The following AKR1B15 variants were observed in gnomAD, a reference collection of about 807,000 sequenced individuals.
AKR1B15 encodes the protein aldo-keto reductase family 1 member B15, also known as estradiol 17-beta-dehydrogenase AKR1B15.
A neutral mutation model predicts 38.5 loss-of-function variants in AKR1B15; 49 were observed. That is an observed-to-expected ratio of 1.27 (90% CI 1.01 to 1.62). The LOEUF is 1.62. Ranked by LOEUF, AKR1B15 falls within the 40% of genes most tolerant of loss-of-function variation. AKR1B15 has a pLI of 0.00. For missense variants in AKR1B15, 411 were observed against 381.6 expected (o/e 1.08, Z -0.64); for synonymous variants, 137 against 135.5 (o/e 1.01, Z -0.08).
At chr7:134,555,847 C>T (rs1353254861) in intron 1 of AKR1B15, among the ~76,000 whole-genome samples, 4 of 152,126 alleles carry the variant, frequency 2.6e-5, no homozygotes, top group South Asian at 2.1e-4. Context: ...TCCTGGAAAT[C>T]GCCCTGACTC....
chr7:134,566,742 C>T (rs373154453), intron 3 of AKR1B15, among the ~76,000 whole-genome samples: 25 of 152,196 alleles, frequency 1.6e-4, no homozygotes, highest in African/African-American at 4.8e-4. Context: ...TCTCCTGTGC[C>T]GAGCTGGAGG....
intron 1 of AKR1B15, among the ~76,000 whole-genome samples, chr7:134,555,853 G>A (rs866585268): frequency 1.1e-4 from 16 of 152,136 alleles, no homozygotes; most frequent in South Asian, 4.1e-4. Context: ...AAATCGCCCT[G>A]ACTCTAGTTG....
intron 2 of AKR1B15, among the ~76,000 whole-genome samples, chr7:134,562,017 T>C (rs1330251675): frequency 1.3e-5 from 2 of 152,212 alleles, no homozygotes; most frequent in African/African-American, 4.8e-5. Context: ...AGGGTCTCAC[T>C]GTGTCGCCCA....
Position 134,561,177 on chromosome 7 carries a change from G to C in AKR1B15, c.-22-3421G>C, listed in dbSNP as rs149721119. 3.3e-3 allele frequency among the ~76,000 whole-genome samples: 506 copies of C among 152,248 alleles called. 1 individual carries two copies. The highest frequency in any genetic ancestry group is 6.0e-3 in the Non-Finnish European group (411 of 68,016). Reference sequence around the variant, plus strand: ...TAAGGTGCCCCATGTGCAGATCCAGGAGACTTTGTGACCACCAGATTATGA... The same window carrying C: ...TAAGGTGCCCCATGTGCAGATCCAGCAGACTTTGTGACCACCAGATTATGA... On this transcript the variant is annotated intron_variant, in intron 2 of 11. Transcript: ENST00000457545.
At position 134,564,173 on chromosome 7, in the gene AKR1B15, G is replaced by A. The variant is rs542174238; in HGVS notation, c.-22-425G>A. Among the ~76,000 whole-genome samples, 233 of 152,238 alleles carry A rather than the reference G, an allele frequency of 1.5e-3. 1 individual carries two copies. Among genetic ancestry groups the A allele is most frequent in the African/African-American group, 5.0e-3 (209 of 41,540 alleles). ...AGGAATGGCTACTGCTATGGGAACC[G>A]GAATAGCCAGTTTATCTACTTCATT... On this transcript the variant is annotated intron_variant, in intron 2 of 11. Coordinates refer to ENST00000457545, the MANE Select transcript of AKR1B15 (RefSeq NM_001080538.3).
intron 2 of AKR1B15, among the ~76,000 whole-genome samples, chr7:134,561,462 C>G (rs1265116559): frequency 6.6e-6 from 1 of 152,222 alleles, no homozygotes; most frequent in Non-Finnish European, 1.5e-5. Context: ...CTGCCTTGGC[C>G]TCCCAAAATG....
intron 8 of AKR1B15, among the ~76,000 whole-genome samples, 185 bp from the exon 9 acceptor site, chr7:134,576,164 T>C (rs1794764451): frequency 7.2e-6 from 1 of 138,096 alleles, no homozygotes; most frequent in African/African-American, 2.6e-5. Context: ...CACCCAAGGG[T>C]GAACCAGGCT....
chr7:134,552,207 G>T (rs1438538620), intron 1 of AKR1B15, among the ~76,000 whole-genome samples: 1 of 152,116 alleles, frequency 6.6e-6, no homozygotes, highest in African/African-American at 2.4e-5. Context: ...AGCTACAGGC[G>T]TCCATCTCCT....
intron 2 of AKR1B15, among the ~76,000 whole-genome samples, chr7:134,563,105 C>T (rs576319615): frequency 2.0e-5 from 3 of 152,056 alleles, no homozygotes; most frequent in Non-Finnish European, 4.4e-5. Flanking sequence ...AACAGAAACT[C>T]CAATGATACT....
chr7:134,554,985 T>C (rs565084991), intron 1 of AKR1B15, among the ~76,000 whole-genome samples: 41 of 152,296 alleles, frequency 2.7e-4, no homozygotes, highest in African/African-American at 9.6e-4. Flanking sequence ...CTTGCAAAAT[T>C]AATCCTAGAA....
chr7:134,553,725 T>C lies in AKR1B15; in HGVS notation c.-146-3011T>C, dbSNP rs796815977. On this transcript the variant is annotated intron_variant, in intron 1 of 11. Transcript: ENST00000457545. ...AAGGTGTTTAAATCCAGCTACCTTGTTCCCTGATCCAGACCTTACCACACC... is the reference window on the plus strand; with the variant it reads ...AAGGTGTTTAAATCCAGCTACCTTGCTCCCTGATCCAGACCTTACCACACC... Among the ~76,000 whole-genome samples the C allele has an allele frequency of 3.9e-5, 6 of 152,358 alleles. No individual in the cohort carries two copies. The South Asian group carries it at 1.0e-3, about 26-fold the overall frequency.
chr7:134,555,295 A>G (rs1327893237), intron 1 of AKR1B15, among the ~76,000 whole-genome samples: 1 of 152,034 alleles, frequency 6.6e-6, no homozygotes, highest in African/African-American at 2.4e-5. Context: ...TGTATGTTAA[A>G]AAGTTCCAGA....
chr7:134,575,564 G>C, intron 7 of AKR1B15, 22 bp downstream of exon 7: 6 of 1,613,536 alleles, frequency 3.7e-6, no homozygotes, highest in Non-Finnish European at 5.1e-6. Flanking sequence ...TCAGTTTAAG[G>C]GTAAGGGTCC....
At chr7:134,573,644 A>G in intron 6 of AKR1B15, 12 of 661,158 alleles carry the variant, frequency 1.8e-5, no homozygotes, top group Non-Finnish European at 2.2e-5. Context: ...AAGTTTTAAT[A>G]CGGGAAAACT....
At chr7:134,563,746 C>A (rs529627138) in intron 2 of AKR1B15, among the ~76,000 whole-genome samples, 8 of 152,172 alleles carry the variant, frequency 5.3e-5, no homozygotes, top group Non-Finnish European at 1.2e-4. Flanking sequence ...CTCATCCCAT[C>A]TTTCAGTCAC....
chr7:134,572,919 T>G (rs558273067), intron 6 of AKR1B15, among the ~76,000 whole-genome samples: 1 of 152,340 alleles, frequency 6.6e-6, no homozygotes, highest in African/African-American at 2.4e-5. Context: ...GTATTGTGTT[T>G]TACACGGGAA....
At chr7:134,570,514 C>G (rs530300663) in intron 5 of AKR1B15, 1 of 152,094 alleles carries the variant, frequency 6.6e-6, no homozygotes, top group Non-Finnish European at 1.5e-5. Context: ...CGTGATGTCT[C>G]CCCCGGACAC....
At chr7:134,574,066 T>TAA (rs1332668894) in intron 6 of AKR1B15, among the ~76,000 whole-genome samples, 8 of 151,002 alleles carry the variant, frequency 5.3e-5, no homozygotes, top group African/African-American at 2.0e-4. Context: ...AAAACAAATT[T>TAA]TTTTTTTTGG....
intron 4 of AKR1B15, among the ~76,000 whole-genome samples, 182 bp downstream of exon 4, chr7:134,568,507 C>T (rs1484196949): frequency 6.6e-6 from 1 of 152,178 alleles, no homozygotes; most frequent in Non-Finnish European, 1.5e-5. Context: ...TTGAACATGT[C>T]GTGGCTGCCC....
Sources: allele counts gnomAD v4.1 joint callset (sites outside exome capture counted in the v4.1 genomes callset), GRCh38; gene constraint gnomAD v4.1.1; transcripts MANE v1.5; gene names NCBI Gene and HGNC (gene_info 2026-07-23, HGNC 2026-07-21).